FHIT: variants seen among roughly 807,000 people sequenced by gnomAD.
FHIT encodes fragile histidine triad diadenosine triphosphatase, also known as bis(5'-adenosyl)-triphosphatase.
FHIT carries 19 observed loss-of-function variants against 17.9 expected under a neutral mutation model. That is an observed-to-expected ratio of 1.06 (90% CI 0.74 to 1.56). FHIT has a LOEUF of 1.56. FHIT is among the 40% of genes most tolerant of loss of function. The pLI, the probability that FHIT is intolerant of heterozygous loss-of-function variation, is 0.00. For missense variants in FHIT, 248 were observed against 189.2 expected (o/e 1.31, Z -1.82); for synonymous variants, 81 against 69.7 (o/e 1.16, Z -0.81).
chr3:60,394,621 A>G (rs972353758), intron 5 of FHIT, among the ~76,000 whole-genome samples: 1 of 152,138 alleles, frequency 6.6e-6, no homozygotes, highest in Non-Finnish European at 1.5e-5. Flanking sequence ...GTTACTTATT[A>G]TCTCTGAGCC....
In FHIT at chr3:60,658,504, G is replaced by T. The variant is rs533567084; in HGVS notation, c.-17-121525C>A. 1.4e-4 allele frequency among the ~76,000 whole-genome samples: 21 copies of T among 151,840 alleles called. No homozygotes were observed. In the South Asian group the frequency reaches 3.7e-3, roughly 27 times the overall value. On this transcript the variant is annotated intron_variant, in intron 4 of 9. Coordinates refer to ENST00000492590, the MANE Select transcript of FHIT (RefSeq NM_002012.4). ...TTATATTTAATATCCTAAAGTTATCGATTCTAATTTGGAATTATACCAGCT... is the reference window on the plus strand; with the variant it reads ...TTATATTTAATATCCTAAAGTTATCTATTCTAATTTGGAATTATACCAGCT...
At chr3:60,336,743 G>C (rs1710258039) in intron 5 of FHIT, among the ~76,000 whole-genome samples, 1 of 152,264 alleles carries the variant, frequency 6.6e-6, no homozygotes, top group African/African-American at 2.4e-5. Flanking sequence ...AGTTCCGTTA[G>C]ACAGCATTGA....
At chr3:61,000,091 A>T (rs1159610208) in intron 3 of FHIT, among the ~76,000 whole-genome samples, 1 of 152,142 alleles carries the variant, frequency 6.6e-6, no homozygotes, top group Non-Finnish European at 1.5e-5. Flanking sequence ...AAACATTGAG[A>T]CCATAGCATG....
intron 4 of FHIT, among the ~76,000 whole-genome samples, chr3:60,660,729 C>CTTTTTTTTTTGTTTTTTTTTTT (rs2040223042): frequency 2.7e-5 from 1 of 37,278 alleles, no homozygotes; most frequent in Non-Finnish European, 5.5e-5. Context: ...TTATTGTGCT[C>CTTTTTTTTTTGTTTTTTTTTTT]TTTTTTTTTT....
At position 60,364,803 on chromosome 3, in the gene FHIT, G is replaced by A. The variant is rs77084700; in HGVS notation, c.103+172057C>T. ...TGGGCATCATTTAATCAACTGAAGG[G>A]CTGAAAGAACAAAAAGGTAGAGGAA... is the stretch of plus-strand genomic sequence containing the variant. On this transcript the variant is annotated intron_variant, in intron 5 of 9. Coordinates refer to ENST00000492590, the MANE Select transcript of FHIT (RefSeq NM_002012.4). Among the ~76,000 whole-genome samples, 1,411 of 152,188 alleles carry A rather than the reference G, an allele frequency of 9.3e-3. 22 individuals are homozygous for A. The highest frequency in any genetic ancestry group is 0.032 in the African/African-American group (1,323 of 41,510).
At chr3:60,286,337 T>C (rs1707728139) in intron 5 of FHIT, among the ~76,000 whole-genome samples, 1 of 152,236 alleles carries the variant, frequency 6.6e-6, no homozygotes, top group South Asian at 2.1e-4. Flanking sequence ...TAGCCCTATG[T>C]ACATAATATG....
At chr3:60,361,834 AG>A (rs1171384772) in intron 5 of FHIT, among the ~76,000 whole-genome samples, 1 of 152,164 alleles carries the variant, frequency 6.6e-6, no homozygotes, top group Non-Finnish European at 1.5e-5. Flanking sequence ...AATCTTTTTG[AG>A]GGAAGTGAGC....
At chr3:60,028,673 T>C (rs1700856577) in intron 5 of FHIT, among the ~76,000 whole-genome samples, 1 of 152,104 alleles carries the variant, frequency 6.6e-6, no homozygotes, top group African/African-American at 2.4e-5. Flanking sequence ...GCACTTTGAA[T>C]CAAATGTAAA....
chr3:61,223,084 T>C (rs910471220), intron 1 of FHIT, among the ~76,000 whole-genome samples: 14 of 152,298 alleles, frequency 9.2e-5, no homozygotes, highest in African/African-American at 3.1e-4. Context: ...GCAGACTAAA[T>C]TGGATTTTGG....
chr3:61,179,289 T>C (rs2038257349), intron 2 of FHIT, among the ~76,000 whole-genome samples: 4 of 152,126 alleles, frequency 2.6e-5, no homozygotes, highest in Admixed American at 2.6e-4. Flanking sequence ...ATTACAGGCA[T>C]GAGCCACCAT....
At chr3:59,991,152 C>T (rs374187221) in intron 7 of FHIT, among the ~76,000 whole-genome samples, 1 of 152,150 alleles carries the variant, frequency 6.6e-6, no homozygotes, top group South Asian at 2.1e-4. Flanking sequence ...CCATGTGTGA[C>T]AGTGGGTGTT....
chr3:60,338,687 C>T (rs984442709), intron 5 of FHIT, among the ~76,000 whole-genome samples: 3 of 152,172 alleles, frequency 2.0e-5, no homozygotes, highest in Admixed American at 6.5e-5. Context: ...TGGTTTTCTG[C>T]ATGGTATGAC....
intron 5 of FHIT, among the ~76,000 whole-genome samples, chr3:60,048,557 T>C (rs954467537): frequency 2.0e-5 from 3 of 152,174 alleles, no homozygotes; most frequent in South Asian, 2.1e-4. Flanking sequence ...GTGTGAATTT[T>C]TGGGGAAACC....
Position 59,747,329 on chromosome 3 carries a change from A to AG in FHIT, c.*2255_*2256insC, listed in dbSNP as rs1446005189. Among the ~76,000 whole-genome samples, 1 of 152,254 alleles carries AG rather than the reference A, an allele frequency of 6.6e-6. No homozygotes were observed. Among genetic ancestry groups the AG allele is most frequent in the African/African-American group, 2.4e-5 (1 of 41,566 alleles). ...GACTCGCAATCATGGAGGAAGGCAA[A>AG]AGAGGAGCAAAGCCACATCTTACAT... On this transcript the variant is annotated 3_prime_UTR_variant, in exon 10 of 10. Coordinates refer to ENST00000492590, the MANE Select transcript of FHIT (RefSeq NM_002012.4).
At chr3:60,048,063 C>T (rs563749792) in intron 5 of FHIT, among the ~76,000 whole-genome samples, 10 of 152,196 alleles carry the variant, frequency 6.6e-5, no homozygotes, top group Non-Finnish European at 1.3e-4. Flanking sequence ...TGGTCTTCAC[C>T]GTGTGTGCAC....
At chr3:60,068,127 T>G in intron 5 of FHIT, among the ~76,000 whole-genome samples, 1 of 152,056 alleles carries the variant, frequency 6.6e-6, no homozygotes, top group Non-Finnish European at 1.5e-5. Flanking sequence ...CCCCAGCTAC[T>G]CTGGAGGCTG....
intron 2 of FHIT, among the ~76,000 whole-genome samples, chr3:61,055,810 G>A (rs1054097119): frequency 5.3e-5 from 8 of 152,150 alleles, no homozygotes; most frequent in African/African-American, 1.9e-4. Flanking sequence ...GAGAATGTAG[G>A]CTTAAGTGGG....
chr3:61,034,841 T>C (rs2033166517), intron 3 of FHIT, among the ~76,000 whole-genome samples: 1 of 152,166 alleles, frequency 6.6e-6, no homozygotes, highest in African/African-American at 2.4e-5. Context: ...TACATGTTCA[T>C]AGCAGCACTA....
intron 5 of FHIT, among the ~76,000 whole-genome samples, chr3:60,510,293 T>A (rs1431819663): frequency 6.6e-6 from 1 of 152,206 alleles, no homozygotes; most frequent in Non-Finnish European, 1.5e-5. Flanking sequence ...TCACCTGCAA[T>A]TCAGATCCAA....
Sources: allele counts gnomAD v4.1 joint callset (sites outside exome capture counted in the v4.1 genomes callset), GRCh38; gene constraint gnomAD v4.1.1; transcripts MANE v1.5; gene names NCBI Gene and HGNC (gene_info 2026-07-23, HGNC 2026-07-21).